PLEKHH2: variants seen among roughly 807,000 people sequenced by gnomAD.
PLEKHH2 encodes pleckstrin homology domain-containing family H member 2.
PLEKHH2 carries 129 observed loss-of-function variants against 187.9 expected under a neutral mutation model. The observed-to-expected ratio is 0.69, with a 90% CI of 0.59 to 0.79. The LOEUF is 0.79. Among genes scored for constraint, PLEKHH2 ranks in the 30% least tolerant of loss-of-function variants. The probability of loss-of-function intolerance (pLI) is 0.00; values close to 1 mark genes in which losing one functional copy is unlikely to be tolerated. For synonymous variants in PLEKHH2, 686 were observed against 605.6 expected, an observed-to-expected ratio of 1.13 and a Z score of -1.95; for missense variants, 2,076 against 1,751.2, an observed-to-expected ratio of 1.19 and a Z score of -3.31.
intron 2 of PLEKHH2, among the ~76,000 whole-genome samples, chr2:43,655,655 T>G (rs1666716270): frequency 6.6e-6 from 1 of 152,182 alleles, no homozygotes; most frequent in South Asian, 2.1e-4. Context: ...CTAGTGGTTT[T>G]TCCAACATGA....
Position 43,720,579 on chromosome 2 carries a change from C to A in PLEKHH2, c.2461-90C>A, listed in dbSNP as rs1364600773. The A allele has an allele frequency of 5.8e-6, 9 of 1,557,462 alleles. No individual in the cohort carries two copies. In the South Asian group the frequency reaches 9.6e-5, roughly 17 times the overall value. ...CACTTATATCTGGGCAAACTGGATG[C>A]CTATAGAAACTCAAATAGGGTGTAT... On this transcript the variant is annotated intron_variant, in intron 15 of 29. Transcript: ENST00000282406.
rs1668855991 is a variant in PLEKHH2 at position 43,692,581 on chromosome 2, A to G, written c.254A>G (p.Tyr85Cys). 6.9e-6 allele frequency: 11 copies of G among 1,605,102 alleles called. No individual in the cohort carries two copies. Among genetic ancestry groups the G allele is most frequent in the Non-Finnish European group, 8.5e-6 (10 of 1,172,454 alleles). The change falls in exon 4 of 30, where the codon TAT (tyrosine) becomes TGT (cysteine). Residue 85 changes from tyrosine to cysteine, a missense_variant. Physicochemically the swap from Tyr to Cys is radical, Grantham distance 194. Coordinates refer to ENST00000282406, the MANE Select transcript of PLEKHH2 (RefSeq NM_172069.4). ...ACCAGTGAATCAGAGACAAGATTAT[A>G]TAATAAGTGTCAAGATCTGGAGTCG... ...IQTSESETRL[Y>C]NKCQDLESLI...
chr2:43,677,968 G>C (rs1572536066), intron 2 of PLEKHH2, among the ~76,000 whole-genome samples: 1 of 151,168 alleles, frequency 6.6e-6, no homozygotes, highest in East Asian at 2.0e-4. Flanking sequence ...CGGCTGCCGG[G>C]CGGAGGGGCT....
chr2:43,735,249 A>T (rs1462340360), intron 19 of PLEKHH2, among the ~76,000 whole-genome samples: 1 of 152,174 alleles, frequency 6.6e-6, no homozygotes, highest in Non-Finnish European at 1.5e-5. Context: ...CCATTACGAA[A>T]AACAAAGCCC....
rs1670007940 is a variant in PLEKHH2, at chr2:43,712,337, C to T, written c.2414C>T (p.Ser805Phe). 2 of 1,614,088 alleles carry T rather than the reference C, an allele frequency of 1.2e-6. No homozygotes were observed. The highest frequency in any genetic ancestry group is 1.7e-5 in the Admixed American group (1 of 60,002). Reference protein sequence around the residue: ...VLRVQAANPLSLQPEGKPTMK... With the variant: ...VLRVQAANPLFLQPEGKPTMK... ...CGAGTACAAGCTGCCAACCCACTTT[C>T]CCTGCAGCCTGAGGGCAAACCCACC... The change falls in exon 15 of 30, where the codon TCC becomes TTC. Residue 805 changes from serine (S) to phenylalanine (F), a missense_variant. By Grantham distance (155) the Ser-to-Phe change is radical. Coordinates refer to ENST00000282406, the MANE Select transcript of PLEKHH2 (RefSeq NM_172069.4).
At chr2:43,744,212 G>T (rs770635565) in intron 23 of PLEKHH2, 4 of 999,702 alleles carry the variant, frequency 4.0e-6, no homozygotes, top group African/African-American at 1.6e-5. Flanking sequence ...AGAGAGGAAA[G>T]GTGTTAGTAA....
At chr2:43,672,022 T>A (rs1334628793) in intron 2 of PLEKHH2, among the ~76,000 whole-genome samples, 1 of 152,222 alleles carries the variant, frequency 6.6e-6, no homozygotes, top group Non-Finnish European at 1.5e-5. Flanking sequence ...TTGGGTAGAA[T>A]TCACAAGTGA....
At chr2:43,742,167 A>C (rs572532412) in intron 21 of PLEKHH2, among the ~76,000 whole-genome samples, 109 of 151,934 alleles carry the variant, frequency 7.2e-4, no homozygotes, top group African/African-American at 2.6e-3. Context: ...CCCCCGGCTA[A>C]TTTTTTGTAT....
chr2:43,697,842 A>G (rs1419134698), intron 7 of PLEKHH2, among the ~76,000 whole-genome samples: 3 of 152,318 alleles, frequency 2.0e-5, no homozygotes, highest in Non-Finnish European at 2.9e-5. Flanking sequence ...GGATAAATTG[A>G]TAACTCTTTG....
chr2:43,720,793 G>A (rs1289164455), intron 16 of PLEKHH2, 44 bp downstream of exon 16: 7 of 1,571,770 alleles, frequency 4.5e-6, no homozygotes, highest in Non-Finnish European at 5.1e-6. Context: ...AACTTTTTGT[G>A]TGTTAGGGCT....
At chr2:43,692,052 C>T (rs1668823667) in intron 3 of PLEKHH2, among the ~76,000 whole-genome samples, 2 of 152,066 alleles carry the variant, frequency 1.3e-5, no homozygotes, top group South Asian at 4.1e-4. Context: ...TTTCCCACCC[C>T]CCTTTCCATT....
intron 15 of PLEKHH2, among the ~76,000 whole-genome samples, chr2:43,715,587 G>C (rs910396032): frequency 6.6e-6 from 1 of 152,180 alleles, no homozygotes; most frequent in Non-Finnish European, 1.5e-5. Flanking sequence ...GGGGTTACAG[G>C]AAAAGAGAGG....
intron 2 of PLEKHH2, chr2:43,676,025 G>C (rs146273900): frequency 0.01 from 16,188 of 1,613,952 alleles, 106 homozygotes; most frequent in Non-Finnish European, 0.012. Context: ...GTATCGTAGA[G>C]CTCTGCTTTG....
intron 14 of PLEKHH2, chr2:43,710,898 C>T (rs1669932937): frequency 2.7e-6 from 3 of 1,093,970 alleles, no homozygotes; most frequent in Non-Finnish European, 2.2e-6. Context: ...TAAATGAATT[C>T]TCAATAAGAT....
At position 43,707,503 on chromosome 2, in the gene PLEKHH2, C is replaced by T. The variant is rs751987403; in HGVS notation, c.1924C>T (p.Arg642Cys). ...SSSRTSESDS[R>C]SRSGPGSPRA... The stretch of plus-strand genomic sequence containing the variant: ...CTCCCGGACGTCAGAGTCAGACTCA[C>T]GCAGTAGGAGTGGGCCAGGCAGCCC... The change falls in exon 11 of 30, where the codon CGC (arginine) becomes TGC (cysteine). Residue 642 changes from arginine (R) to cysteine (C), a missense_variant. By Grantham distance (180) the Arg-to-Cys change is radical (BLOSUM62 -3). Transcript: ENST00000282406. 3.1e-6 allele frequency: 5 copies of T among 1,613,994 alleles called. No homozygotes were observed. The highest frequency in any genetic ancestry group is 2.2e-5 in the East Asian group (1 of 44,894).
intron 17 of PLEKHH2, among the ~76,000 whole-genome samples, chr2:43,727,181 A>G (rs1313944678): frequency 1.2e-4 from 18 of 152,208 alleles, no homozygotes; most frequent in Admixed American, 1.2e-3. Flanking sequence ...CGGGAGGCCG[A>G]GGCGGGTGGA....
intron 2 of PLEKHH2, among the ~76,000 whole-genome samples, chr2:43,668,110 G>T (rs1370878192): frequency 6.6e-6 from 1 of 152,120 alleles, no homozygotes; most frequent in Non-Finnish European, 1.5e-5. Context: ...TCAGCTCACT[G>T]CAACCTCTGC....
chr2:43,642,835 C>T (rs964538047), intron 1 of PLEKHH2, among the ~76,000 whole-genome samples: 2 of 152,028 alleles, frequency 1.3e-5, no homozygotes, highest in South Asian at 4.2e-4. Context: ...TACTGTAGGA[C>T]ATAGGCAAGT....
intron 16 of PLEKHH2, among the ~76,000 whole-genome samples, chr2:43,723,879 G>C (rs114770731): frequency 1.7e-3 from 261 of 152,288 alleles, no homozygotes; most frequent in African/African-American, 5.7e-3. Context: ...GAATAAGGAG[G>C]AGATGGGTTA....
Sources: allele counts gnomAD v4.1 joint callset (sites outside exome capture counted in the v4.1 genomes callset), GRCh38; gene constraint gnomAD v4.1.1; transcripts MANE v1.5; gene names NCBI Gene and HGNC (gene_info 2026-07-23, HGNC 2026-07-21).